The following IFFO1 variants were observed in gnomAD, a reference collection of about 807,000 sequenced individuals.
IFFO1 encodes the protein non-homologous end joining factor IFFO1.
IFFO1 carries 42 observed loss-of-function variants against 59.6 expected under a neutral mutation model. The observed-to-expected ratio is 0.70, with a 90% confidence interval of 0.55 to 0.91. The LOEUF (loss-of-function observed/expected upper bound fraction) is 0.91, where lower values mean the gene tolerates loss of function less well. IFFO1 is among the 40% of genes least tolerant of loss of function. The pLI, the probability that IFFO1 is intolerant of heterozygous loss-of-function variation, is 0.00. For synonymous variants in IFFO1, 336 were observed against 342.8 expected (o/e 0.98, Z 0.22); for missense variants, 711 against 793.2 (o/e 0.90, Z 1.24).
In IFFO1 at chr12:6,555,232, C is replaced by T. The variant is rs775035140; in HGVS notation, c.773+25G>A. The T allele has an allele frequency of 6.8e-6, 11 of 1,611,280 alleles. No homozygotes were observed. The highest frequency in any genetic ancestry group is 3.4e-4 in the Middle Eastern group (2 of 5,874). On this transcript the variant is annotated intron_variant, in intron 1 of 9. Coordinates refer to ENST00000619571, the MANE Select transcript of IFFO1 (RefSeq NM_001193457.2). This position sits in a 1 kb window ranked among gnomAD's most constrained non-coding sequence, Gnocchi z 8.6. ...TTGTGAGTGGTATGACACAGAGAGA[C>T]CTGTCCCCCTTTCCCAATCCCTACC...
Position 6,556,025 on chromosome 12 carries a change from T to C in IFFO1, c.5A>G (p.Asn2Ser). The C allele has an allele frequency of 1.3e-6, 2 of 1,578,680 alleles. No individual in the cohort carries two copies. The highest frequency in any genetic ancestry group is 1.7e-6 in the Non-Finnish European group (2 of 1,170,576). ...GAAGAGGTTGGGGCCGAATAACGGA[T>C]TCATGGCTGCGCCTTCTGCTGGGAG... MNPLFGPNLFLL... is the reference protein window; with the variant it reads MSPLFGPNLFLL... Residue 2 changes from asparagine (N) to serine (S), a missense_variant, in exon 1 of 10, where the codon AAT (asparagine) becomes AGT (serine). Physicochemically the swap from Asn to Ser is conservative, Grantham distance 46. This residue lies in a region of IFFO1 where 114 missense variants were observed against 102.4 expected (regional missense o/e 1.11). Coordinates refer to ENST00000619571, the MANE Select transcript of IFFO1 (RefSeq NM_001193457.2).
At position 6,548,409 on chromosome 12, in the gene IFFO1, C is replaced by CG. The variant is rs764249058; in HGVS notation, c.1383+15dup. 6.3e-7 allele frequency: 1 copy of CG among 1,598,048 alleles called. No individual in the cohort carries two copies. The highest frequency in any genetic ancestry group is 8.5e-7 in the Non-Finnish European group (1 of 1,172,308). On this transcript the variant is annotated intron_variant, in intron 7 of 9. Coordinates refer to ENST00000619571, the MANE Select transcript of IFFO1 (RefSeq NM_001193457.2). This position sits in a 1 kb window ranked among gnomAD's most constrained non-coding sequence, Gnocchi z 6.1. ...AGGCAGAGCCAGAGGGCCCTGAGGC[C>CG]GGGAGCAGAGGTTACCTCTCCCTGG...
chr12:6,541,598 G>A lies in IFFO1; in HGVS notation c.1524C>T (p.His508=), dbSNP rs751162402. ...TAKNDMNRHL[H]EYMEMCSMKR... ...TCATGCTGCACATCTCCATGTACTC[G>A]TGCAGGTGCCGGTTCATGTCGTTCT... Residue 508 remains histidine (H), a synonymous_variant, in exon 9 of 10, where the codon CAC becomes CAT. Transcript: ENST00000619571. The surrounding 1 kb of genome is among the most constrained non-coding windows in gnomAD (Gnocchi z 4.8). The A allele has an allele frequency of 2.9e-5, 47 of 1,614,044 alleles. No individual in the cohort carries two copies. The highest frequency in any genetic ancestry group is 3.5e-5 in the Non-Finnish European group (41 of 1,180,036).
intron 8 of IFFO1, among the ~76,000 whole-genome samples, chr12:6,545,590 C>A (rs1946916439): frequency 6.6e-6 from 1 of 151,530 alleles, no homozygotes; most frequent in African/African-American, 2.4e-5. Context: ...CCCAGCTACT[C>A]AGGAGGCTGA....
Position 6,550,974 on chromosome 12 carries a change from G to T in IFFO1, c.801C>A (p.Ile267=). The T allele has an allele frequency of 6.2e-7, 1 of 1,614,196 alleles. No individual in the cohort carries two copies. The highest frequency in any genetic ancestry group is 1.1e-5 in the South Asian group (1 of 91,088). ...GCTCATTTACACGGTCTTGCAGCTG[G>T]ATCCGCACCGTGTACTCCTCTTCCC... ...RRWEEEYTVR[I]QLQDRVNELQ... Residue 267 remains isoleucine, a synonymous_variant, in exon 2 of 10, where the codon ATC becomes ATA. Transcript: ENST00000619571.
rs368527334 is a variant in IFFO1, at chr12:6,546,672, G to A, written c.1479+1393C>T. On this transcript the variant is annotated intron_variant, in intron 8 of 9. Coordinates refer to ENST00000619571, the MANE Select transcript of IFFO1 (RefSeq NM_001193457.2). ...CTAATTTTTTTTTTTTGTATTTTTC[G>A]TAGAGACGGGGTTTCACCGTGTTAG... is the stretch of plus-strand genomic sequence containing the variant. Among the ~76,000 whole-genome samples, 305 of 151,150 alleles carry A rather than the reference G, an allele frequency of 2.0e-3. 1 individual carries two copies. Among genetic ancestry groups the A allele is most frequent in the African/African-American group, 6.8e-3 (279 of 41,130 alleles).
rs1947080026 is a variant in IFFO1, at chr12:6,548,608, G to A, written c.1262+60C>T. The A allele has an allele frequency of 1.9e-6, 3 of 1,613,464 alleles. No individual in the cohort carries two copies. The highest frequency in any genetic ancestry group is 1.7e-6 in the Non-Finnish European group (2 of 1,179,568). ...CCTCGTCCTGGCGGGGGACTGGGGA[G>A]CTCCGGCCTCCTGGGCTGCTGTGGC... On this transcript the variant is annotated intron_variant, in intron 6 of 9. Transcript: ENST00000619571. The surrounding 1 kb of genome is among the most constrained non-coding windows in gnomAD (Gnocchi z 6.1).
chr12:6,551,691 G>A (rs935438918), intron 1 of IFFO1: 6 of 373,720 alleles, frequency 1.6e-5, no homozygotes, highest in Non-Finnish European at 3.2e-5. Context: ...ACACGAGCCT[G>A]GGGTTACTAG....
At chr12:6,546,388 A>G (rs1203782096) in intron 8 of IFFO1, among the ~76,000 whole-genome samples, 1 of 152,140 alleles carries the variant, frequency 6.6e-6, no homozygotes, top group African/African-American at 2.4e-5. Flanking sequence ...TCGGGAAAGG[A>G]CCACCTCACC....
chr12:6,548,312 C>A lies in IFFO1; in HGVS notation c.1383+113G>T. 7.4e-7 allele frequency: 1 copy of A among 1,353,860 alleles called. No individual in the cohort carries two copies. Among genetic ancestry groups the A allele is most frequent in the Non-Finnish European group, 1.0e-6 (1 of 962,860 alleles). 83.9% of individuals were successfully genotyped at this position (1,353,860 alleles called of 1,614,324 possible). ...AAAGGATAAAGGAAGAGGGGAGACGCAGGTAGAGGATGACAGCCACATGGG... is the reference window on the plus strand; with the variant it reads ...AAAGGATAAAGGAAGAGGGGAGACGAAGGTAGAGGATGACAGCCACATGGG... On this transcript the variant is annotated intron_variant, in intron 7 of 9. Coordinates refer to ENST00000619571, the MANE Select transcript of IFFO1 (RefSeq NM_001193457.2). The surrounding 1 kb of genome is among the most constrained non-coding windows in gnomAD (Gnocchi z 6.1).
chr12:6,553,978 TCTTTA>T (rs977188759), intron 1 of IFFO1, among the ~76,000 whole-genome samples: 4 of 152,158 alleles, frequency 2.6e-5, no homozygotes, highest in African/African-American at 9.7e-5. Flanking sequence ...AGGTTTTGCC[TCTTTA>T]CTTTGCATTT....
At chr12:6,553,773 A>G (rs1468902046) in intron 1 of IFFO1, among the ~76,000 whole-genome samples, 1 of 152,172 alleles carries the variant, frequency 6.6e-6, no homozygotes, top group Non-Finnish European at 1.5e-5. Context: ...CCCTGTCTCA[A>G]TATTTTAAGT....
At position 6,548,367 on chromosome 12, in the gene IFFO1, T is replaced by A. The variant is rs188143131; in HGVS notation, c.1383+58A>T. ...CAGAGCAAGGAGAGGAGCGGGGGAG[T>A]GGGCTTCAGGCTGGAGAGGCAGAGC... On this transcript the variant is annotated intron_variant, in intron 7 of 9. Coordinates refer to ENST00000619571, the MANE Select transcript of IFFO1 (RefSeq NM_001193457.2). The surrounding 1 kb of genome is among the most constrained non-coding windows in gnomAD (Gnocchi z 6.1). 1.2e-4 allele frequency: 180 copies of A among 1,563,406 alleles called. No individual in the cohort carries two copies. The African/African-American group carries it at 2.0e-3, about 18-fold the overall frequency.
Position 6,555,181 on chromosome 12 carries a change from C to T in IFFO1, c.773+76G>A. The T allele has an allele frequency of 6.9e-7, 1 of 1,445,490 alleles. No homozygotes were observed. Among genetic ancestry groups the T allele is most frequent in the Non-Finnish European group, 9.7e-7 (1 of 1,028,336 alleles). The allele number at this position is 1,445,490 out of a possible 1,614,324, so 89.5% of individuals were successfully genotyped here. A position where few individuals can be genotyped will look rare whatever the true frequency, so the allele number is the denominator to read the frequency against. The stretch of plus-strand genomic sequence containing the variant: ...CTCATTCTTTTCACCCCTGATTCTT[C>T]GGAACCCACACCAACTCGCGGCCCG... On this transcript the variant is annotated intron_variant, in intron 1 of 9. Coordinates refer to ENST00000619571, the MANE Select transcript of IFFO1 (RefSeq NM_001193457.2). The surrounding 1 kb of genome is among the most constrained non-coding windows in gnomAD (Gnocchi z 8.6).
At chr12:6,546,639 A>G (rs1342345339) in intron 8 of IFFO1, among the ~76,000 whole-genome samples, 2 of 146,218 alleles carry the variant, frequency 1.4e-5, no homozygotes, top group African/African-American at 5.0e-5. Flanking sequence ...GCCTGCCACC[A>G]CGGCCAGCTA....
chr12:6,540,584 A>T lies in IFFO1; in HGVS notation c.1615T>A (p.Ser539Thr), dbSNP rs1487350473. ...RLITQSGDRKSPAFTAVPLSD... is the reference protein window; with the variant it reads ...RLITQSGDRKTPAFTAVPLSD... ...AGCGGGACCGCAGTGAAAGCAGGAGACTTTCTAGAAAAAAACACCAGTTGT... is the reference window on the plus strand; with the variant it reads ...AGCGGGACCGCAGTGAAAGCAGGAGTCTTTCTAGAAAAAAACACCAGTTGT... The change falls in exon 10 of 10, where the codon TCT becomes ACT. Residue 539 changes from serine to threonine, a missense_variant. Ser to Thr is a moderately conservative substitution (Grantham distance 58). Around this residue, in one of 3 missense-constraint regions of IFFO1, gnomAD observed 579 missense variants for 650.3 expected, o/e 0.89. Transcript: ENST00000619571. The T allele has an allele frequency of 1.2e-6, 2 of 1,613,114 alleles. No individual in the cohort carries two copies. The highest frequency in any genetic ancestry group is 1.7e-6 in the Non-Finnish European group (2 of 1,179,756).
chr12:6,554,651 C>T (rs1375333075), intron 1 of IFFO1, among the ~76,000 whole-genome samples: 1 of 152,232 alleles, frequency 6.6e-6, no homozygotes, highest in Admixed American at 6.5e-5. Flanking sequence ...CAGCCCTGCT[C>T]TCCACCCTCA....
intron 8 of IFFO1, among the ~76,000 whole-genome samples, chr12:6,546,725 G>A (rs1386691483): frequency 1.3e-5 from 2 of 151,946 alleles, no homozygotes; most frequent in Admixed American, 6.6e-5. Context: ...TCCTGACCTC[G>A]TGATCTTCCC....
chr12:6,540,876 G>C (rs1043501156), intron 9 of IFFO1, among the ~76,000 whole-genome samples: 1 of 152,144 alleles, frequency 6.6e-6, no homozygotes, highest in Non-Finnish European at 1.5e-5. Context: ...GGATCACGAC[G>C]TCAGGAGTTC....
Sources: gnomAD v4.1 joint callset for allele counts (sites outside exome capture counted in the v4.1 genomes callset) on GRCh38, gnomAD v4.1.1 for gene constraint, gnomAD v4.1.1 regional missense constraint, Gnocchi (gnomAD v3.1) non-coding constraint, MANE v1.5 for transcripts, NCBI Gene and HGNC (gene_info 2026-07-23, HGNC 2026-07-21) for gene names.